CNTRL: variants seen among roughly 807,000 people sequenced by gnomAD.
The protein encoded by CNTRL is 110 kDa centrosomal protein.
Under a neutral mutation model 303.7 loss-of-function variants are expected in CNTRL, and 233 were observed. The ratio of observed to expected loss-of-function variants is 0.77; its 90% CI spans 0.69 to 0.86. CNTRL has a LOEUF of 0.86. CNTRL is among the 40% of genes least tolerant of loss of function. The pLI, the probability that CNTRL is intolerant of heterozygous loss-of-function variation, is 0.00. For missense variants in CNTRL, 2,524 were observed against 2,650.6 expected (o/e 0.95, Z 1.05); for synonymous variants, 900 against 922.2 (o/e 0.98, Z 0.44).
chr9:121,099,454 C>G (rs973358296), intron 7 of CNTRL, among the ~76,000 whole-genome samples: 3 of 152,140 alleles, frequency 2.0e-5, no homozygotes, highest in Admixed American at 6.6e-5. Flanking sequence ...TGGGGAGAAA[C>G]CAGAGCAGAA....
intron 38 of CNTRL, 126 bp downstream of exon 38, chr9:121,168,447 G>A: frequency 1.4e-6 from 1 of 738,888 alleles, no homozygotes; most frequent in African/African-American, 1.8e-5. Flanking sequence ...GAGAAGTAAA[G>A]CAGGAGGTAT....
intron 31 of CNTRL, among the ~76,000 whole-genome samples, chr9:121,159,756 T>G (rs961079402): frequency 6.6e-6 from 1 of 152,120 alleles, no homozygotes; most frequent in Non-Finnish European, 1.5e-5. Context: ...CTTTTGAGTT[T>G]AGAAACACTC....
At chr9:121,162,893 A>G (rs1256917765) in intron 34 of CNTRL, among the ~76,000 whole-genome samples, 1 of 152,204 alleles carries the variant, frequency 6.6e-6, no homozygotes, top group African/African-American at 2.4e-5. Flanking sequence ...ACTGACATAT[A>G]TGTGAACAAC....
At chr9:121,098,349 A>G in intron 6 of CNTRL, 37 bp from the exon 7 acceptor site, 1 of 1,402,756 alleles carries the variant, frequency 7.1e-7, no homozygotes, top group South Asian at 1.3e-5. Context: ...TGATTTTTAA[A>G]TTAAATTATA....
chr9:121,108,345 T>C (rs1264032085), intron 8 of CNTRL, among the ~76,000 whole-genome samples: 8 of 152,196 alleles, frequency 5.3e-5, no homozygotes, highest in Non-Finnish European at 1.2e-4. Context: ...CATCTTTTAT[T>C]ACTAAGATAA....
At chr9:121,103,946 A>G (rs141728052) in intron 7 of CNTRL, among the ~76,000 whole-genome samples, 6 of 152,236 alleles carry the variant, frequency 3.9e-5, no homozygotes, top group Admixed American at 2.6e-4. Flanking sequence ...AACTAGTTCA[A>G]CCTTTGTGGA....
At chr9:121,107,320 T>A (rs1012455369) in intron 7 of CNTRL, among the ~76,000 whole-genome samples, 1 of 152,154 alleles carries the variant, frequency 6.6e-6, no homozygotes, top group African/African-American at 2.4e-5. Context: ...CAGTAGAGTA[T>A]GCTTGAAGAT....
At chr9:121,102,932 G>A (rs1422928112) in intron 7 of CNTRL, among the ~76,000 whole-genome samples, 8 of 152,160 alleles carry the variant, frequency 5.3e-5, no homozygotes, top group South Asian at 4.1e-4. Context: ...TTCCATGCTC[G>A]TGGATAGGAA....
intron 1 of CNTRL, among the ~76,000 whole-genome samples, chr9:121,077,855 A>G (rs550865277): frequency 1.3e-3 from 192 of 152,046 alleles, no homozygotes; most frequent in African/African-American, 4.2e-3. Context: ...CTGAGGTAGG[A>G]GGATCACTTG....
chr9:121,146,321 C>T (rs946864433), intron 23 of CNTRL, 65 bp downstream of exon 23: 4 of 1,508,168 alleles, frequency 2.7e-6, no homozygotes, highest in Non-Finnish European at 1.8e-6. Context: ...ACATTGTCCC[C>T]TTCCCCAAAT....
Position 121,135,515 on chromosome 9 carries a change from C to G in CNTRL, c.2026-291C>G, listed in dbSNP as rs75020712. ...ATCTTATCCTACTCTTTTTTTCCTT[C>G]CTTTCTTCCTCCTTATGTTTTTAGA... On this transcript the variant is annotated intron_variant, in intron 14 of 43. Coordinates refer to ENST00000373855, the MANE Select transcript of CNTRL (RefSeq NM_007018.6). Among the ~76,000 whole-genome samples the G allele has an allele frequency of 3.7e-3, 560 of 152,086 alleles. 4 individuals carry two copies. Among genetic ancestry groups the G allele is most frequent in the African/African-American group, 0.013 (530 of 41,540 alleles).
rs543603494 is a variant in CNTRL, at chr9:121,095,126, T to C, written c.479+108T>C. 4.9e-6 allele frequency: 4 copies of C among 823,336 alleles called. No homozygotes were observed. In the Admixed American group the frequency reaches 1.3e-4, roughly 26 times the overall value. 51.0% of individuals were successfully genotyped at this position (823,336 alleles called of 1,614,324 possible). A position where few individuals can be genotyped will look rare whatever the true frequency, so the allele number is the denominator to read the frequency against. ...AGAATGATTTGACAGAAACAGAAGA[T>C]ATTTTTATCTTTATTCATCAATCAA... On this transcript the variant is annotated intron_variant, in intron 5 of 43. Coordinates refer to ENST00000373855, the MANE Select transcript of CNTRL (RefSeq NM_007018.6).
chr9:121,169,699 A>G lies in CNTRL; in HGVS notation c.6159A>G (p.Ala2053=), dbSNP rs768376119. The change falls in exon 39 of 44, where the codon GCA becomes GCG. Residue 2053 remains alanine, a synonymous_variant. Coordinates refer to ENST00000373855, the MANE Select transcript of CNTRL (RefSeq NM_007018.6). The part of the protein sequence containing the change: ...ALQKEADSMR[A]DFSLLRNQFL... ...AGAAAGAGGCAGATTCTATGAGGGC[A>G]GACTTCAGCCTTCTGCGGAACCAGT... The G allele has an allele frequency of 6.2e-7, 1 of 1,614,238 alleles. No individual in the cohort carries two copies. The highest frequency in any genetic ancestry group is 2.2e-5 in the East Asian group (1 of 44,888).
intron 34 of CNTRL, among the ~76,000 whole-genome samples, chr9:121,164,518 A>C (rs2053005692): frequency 6.6e-6 from 1 of 152,246 alleles, no homozygotes; most frequent in Non-Finnish European, 1.5e-5. Flanking sequence ...ATCTCAAAGT[A>C]ACTACGTTGA....
chr9:121,133,109 A>G (rs999618270), intron 14 of CNTRL, among the ~76,000 whole-genome samples: 2 of 152,186 alleles, frequency 1.3e-5, no homozygotes, highest in African/African-American at 4.8e-5. Flanking sequence ...GACCCACTTG[A>G]GGAGGCAGTC....
At position 121,148,717 on chromosome 9, in the gene CNTRL, C is replaced by T; in HGVS notation, c.3505C>T (p.Leu1169Phe). 1 of 1,614,050 alleles carries T rather than the reference C, an allele frequency of 6.2e-7. No individual in the cohort carries two copies. The change falls in exon 24 of 44, where the codon CTT becomes TTT. Residue 1169 changes from leucine to phenylalanine, a missense_variant. Physicochemically the swap from Leu to Phe is conservative, Grantham distance 22. Coordinates refer to ENST00000373855, the MANE Select transcript of CNTRL (RefSeq NM_007018.6). ...GGCCACCAAGGACTCTGGTGTTGGC[C>T]TTAAGTACTCAGCCTCAACTCCTGT... ...SQATKDSGVG[L>F]KYSASTPVRK...
At chr9:121,085,242 T>C (rs2048300805) in intron 2 of CNTRL, among the ~76,000 whole-genome samples, 1 of 152,178 alleles carries the variant, frequency 6.6e-6, no homozygotes, top group South Asian at 2.1e-4. Flanking sequence ...TGATTCCCCA[T>C]GTGTGGGAGT....
At chr9:121,174,971 G>A in intron 42 of CNTRL, 47 bp from the exon 43 acceptor site, 1 of 1,543,974 alleles carries the variant, frequency 6.5e-7, no homozygotes, top group Non-Finnish European at 9.0e-7. Context: ...CGGCAGTTCT[G>A]GTACATTTCT....
At chr9:121,136,051 TTA>T (rs2051173763) in intron 15 of CNTRL, 69 bp downstream of exon 15, 1 of 1,329,150 alleles carries the variant, frequency 7.5e-7, no homozygotes, top group Non-Finnish European at 1.0e-6. Flanking sequence ...CTTCTTTTAT[TTA>T]TGTCTTAATT....
Sources: allele counts gnomAD v4.1 joint callset (sites outside exome capture counted in the v4.1 genomes callset), GRCh38; gene constraint gnomAD v4.1.1; transcripts MANE v1.5; gene names NCBI Gene and HGNC (gene_info 2026-07-23, HGNC 2026-07-21).